Variants in LNPEP observed in about 807,000 individuals in gnomAD.
The protein encoded by LNPEP is leucyl and cystinyl aminopeptidase, also known as leucyl-cystinyl aminopeptidase.
In LNPEP, 64 loss-of-function variants were observed where a neutral mutation model predicts 120.6. The ratio of observed to expected loss-of-function variants is 0.53; its 90% CI spans 0.43 to 0.65. LNPEP has a LOEUF of 0.65. Ranked by LOEUF, LNPEP falls within the 30% of genes least tolerant of loss-of-function variation. The pLI is 0.00. For missense variants in LNPEP, 1,057 were observed against 1,200.0 expected, an observed-to-expected ratio of 0.88 and a Z score of 1.76; for synonymous variants, 435 against 425.4, an observed-to-expected ratio of 1.02 and a Z score of -0.28.
intron 15 of LNPEP, among the ~76,000 whole-genome samples, chr5:97,026,385 T>C (rs1791339826): frequency 6.6e-6 from 1 of 152,220 alleles, no homozygotes; most frequent in Non-Finnish European, 1.5e-5. Flanking sequence ...ATTTAAAAAC[T>C]ATTTATTGTC....
rs748475471 is a variant in LNPEP, at chr5:96,979,863, G to A, written c.745G>A (p.Glu249Lys). ...YHGQIAIVAPEALLAGHNYTL... is the reference protein window; with the variant it reads ...YHGQIAIVAPKALLAGHNYTL... ...TGGACAGATCGCCATTGTTGCCCCCGAAGCCCTTCTAGCAGGGCACAATTA... is the reference window on the plus strand; with the variant it reads ...TGGACAGATCGCCATTGTTGCCCCCAAAGCCCTTCTAGCAGGGCACAATTA... Residue 249 changes from glutamate (E) to lysine (K), a missense_variant, in exon 2 of 18, where the codon GAA becomes AAA. By Grantham distance (56) the Glu-to-Lys change is moderately conservative. Coordinates refer to ENST00000231368, the MANE Select transcript of LNPEP (RefSeq NM_005575.3). 35 of 1,613,806 alleles carry A rather than the reference G, an allele frequency of 2.2e-5. No homozygotes were observed. In the East Asian group the frequency reaches 2.7e-4, roughly 12 times the overall value.
At chr5:97,005,464 G>A (rs961319584) in intron 9 of LNPEP, among the ~76,000 whole-genome samples, 18 of 151,990 alleles carry the variant, frequency 1.2e-4, no homozygotes, top group African/African-American at 4.3e-4. Flanking sequence ...GGAAAGAAGG[G>A]CTGTGACCAC....
At chr5:96,954,411 T>A (rs1455873530) in intron 1 of LNPEP, among the ~76,000 whole-genome samples, 1 of 152,020 alleles carries the variant, frequency 6.6e-6, no homozygotes, top group South Asian at 2.1e-4. Context: ...GAAATACTTT[T>A]ATACAGAAGA....
chr5:96,983,035 G>T (rs922060577), intron 2 of LNPEP, among the ~76,000 whole-genome samples: 19 of 152,102 alleles, frequency 1.2e-4, no homozygotes, highest in Admixed American at 7.9e-4. Flanking sequence ...TTTGGCAGTG[G>T]ATTCTATCTC....
chr5:97,026,810 A>G (rs1791351370), intron 16 of LNPEP, 53 bp downstream of exon 16: 1 of 1,486,732 alleles, frequency 6.7e-7, no homozygotes, highest in Admixed American at 1.8e-5. Context: ...TGTGCATTTG[A>G]AAAAAGCTCC....
At chr5:96,953,929 G>C (rs980960712) in intron 1 of LNPEP, among the ~76,000 whole-genome samples, 1 of 152,150 alleles carries the variant, frequency 6.6e-6, no homozygotes, top group Non-Finnish European at 1.5e-5. Flanking sequence ...TCGTCAGTTT[G>C]TGCTTGCTTT....
rs551136254 is a variant in LNPEP, at chr5:97,030,060, T to A, written c.*1527T>A. On this transcript the variant is annotated 3_prime_UTR_variant, in exon 18 of 18. Coordinates refer to ENST00000231368, the MANE Select transcript of LNPEP (RefSeq NM_005575.3). ...AGACAGTGGGAAAGGTCACCCTTTT[T>A]TTATTCGGCAGGTATCAAGTTAGAA... 6.6e-6 allele frequency: 1 copy of A among 152,230 alleles called. No homozygotes were observed. The highest frequency in any genetic ancestry group is 1.5e-5 in the Non-Finnish European group (1 of 67,986). 9.4% of individuals were successfully genotyped at this position (152,230 alleles called of 1,614,324 possible). A position where few individuals can be genotyped will look rare whatever the true frequency, so the allele number is the denominator to read the frequency against.
chr5:96,989,381 ATTATATACAATATATT>A (rs1790336411), intron 4 of LNPEP, among the ~76,000 whole-genome samples: 1 of 22,924 alleles, frequency 4.4e-5, no homozygotes, highest in African/African-American at 1.6e-4. Flanking sequence ...TATATTATAT[ATTATATACAATATATT>A]ATATATTATA....
chr5:97,012,150 TGA>T (rs1404391058), intron 11 of LNPEP, among the ~76,000 whole-genome samples: 1 of 152,070 alleles, frequency 6.6e-6, no homozygotes, highest in Non-Finnish European at 1.5e-5. Flanking sequence ...AAACTTGAAA[TGA>T]AATATTATGA....
rs1264947361 is a variant in LNPEP at position 96,979,266 on chromosome 5, G to C, written c.148G>C (p.Gly50Arg). The change falls in exon 2 of 18, where the codon GGT (glycine) becomes CGT (arginine). Residue 50 changes from glycine to arginine, a missense_variant. By Grantham distance (125) the Gly-to-Arg change is moderately radical. Transcript: ENST00000231368. ...EPDEVEYEPR[G>R]SRLLVRGLGE... Reference sequence around the variant, plus strand: ...TGATGAGGTGGAATATGAGCCCCGGGGTTCCCGACTGCTGGTGCGGGGTCT... The same window carrying C: ...TGATGAGGTGGAATATGAGCCCCGGCGTTCCCGACTGCTGGTGCGGGGTCT... 4 of 1,613,856 alleles carry C rather than the reference G, an allele frequency of 2.5e-6. No homozygotes were observed. In the African/African-American group the frequency reaches 4.0e-5, roughly 16 times the overall value.
intron 1 of LNPEP, among the ~76,000 whole-genome samples, chr5:96,978,741 A>C (rs1790057328): frequency 6.6e-6 from 1 of 152,150 alleles, no homozygotes; most frequent in African/African-American, 2.4e-5. Flanking sequence ...CATCCCTTTG[A>C]TCCTACTGAC....
At chr5:97,021,549 T>G (rs1352712281) in intron 13 of LNPEP, among the ~76,000 whole-genome samples, 1 of 152,232 alleles carries the variant, frequency 6.6e-6, no homozygotes, top group Non-Finnish European at 1.5e-5. Context: ...AGTTTATTTT[T>G]CTTTCATTGC....
intron 8 of LNPEP, among the ~76,000 whole-genome samples, chr5:97,000,995 G>T (rs1031900129): frequency 5.3e-5 from 8 of 152,194 alleles, no homozygotes; most frequent in African/African-American, 1.9e-4. Flanking sequence ...AAGTTAGAGG[G>T]ACTGTAAGAG....
intron 1 of LNPEP, among the ~76,000 whole-genome samples, chr5:96,973,224 T>C (rs973472190): frequency 6.6e-6 from 1 of 152,096 alleles, no homozygotes; most frequent in Non-Finnish European, 1.5e-5. Flanking sequence ...TTTCTTTGAG[T>C]ATGGGTTTAG....
chr5:96,988,459 C>T (rs901303781), intron 4 of LNPEP, among the ~76,000 whole-genome samples: 2 of 151,490 alleles, frequency 1.3e-5, no homozygotes, highest in Non-Finnish European at 2.9e-5. Context: ...CTGCCTCAGC[C>T]TCCTGAGCAG....
chr5:97,025,302 G>A (rs1791312723), intron 15 of LNPEP, among the ~76,000 whole-genome samples: 1 of 152,046 alleles, frequency 6.6e-6, no homozygotes, highest in Admixed American at 6.5e-5. Flanking sequence ...ATAGAAGGAG[G>A]CTTCTGGGTC....
At chr5:96,939,537 T>G (rs942323676) in intron 1 of LNPEP, among the ~76,000 whole-genome samples, 5 of 152,160 alleles carry the variant, frequency 3.3e-5, no homozygotes, top group South Asian at 4.1e-4. Flanking sequence ...GTTTGTGATA[T>G]ATTCTAAAGT....
intron 16 of LNPEP, 76 bp from the exon 17 acceptor site, chr5:97,027,657 C>A (rs898959330): frequency 8.6e-6 from 8 of 930,486 alleles, no homozygotes; most frequent in South Asian, 1.4e-5. Context: ...GCATTAAAGA[C>A]TTTTCCTTGC....
chr5:96,951,404 G>A lies in LNPEP; in HGVS notation c.19+15230G>A, dbSNP rs533521675. Among the ~76,000 whole-genome samples, 66 of 152,186 alleles carry A rather than the reference G, an allele frequency of 4.3e-4. 1 individual carries two copies. Among genetic ancestry groups the A allele is most frequent in the African/African-American group, 1.5e-3 (63 of 41,508 alleles). ...CTCCCAAGTAGCTGGGACCACAGGC[G>A]CCCACACCACGCCTGGCTAATTTTT... On this transcript the variant is annotated intron_variant, in intron 1 of 17. Coordinates refer to ENST00000231368, the MANE Select transcript of LNPEP (RefSeq NM_005575.3).
Sources: gnomAD v4.1 joint callset for allele counts (sites outside exome capture counted in the v4.1 genomes callset) on GRCh38, gnomAD v4.1.1 for gene constraint, MANE v1.5 for transcripts, NCBI Gene and HGNC (gene_info 2026-07-23, HGNC 2026-07-21) for gene names.